CACNA1C: variants seen among roughly 807,000 people sequenced by gnomAD.
The protein encoded by CACNA1C is calcium voltage-gated channel subunit alpha1 C.
Under a neutral mutation model 229.0 loss-of-function variants are expected in CACNA1C, and 30 were observed. The ratio of observed to expected loss-of-function variants is 0.13; its 90% CI spans 0.10 to 0.18. The LOEUF (loss-of-function observed/expected upper bound fraction) is 0.18. CACNA1C is among the 10% of genes least tolerant of loss of function. The probability of loss-of-function intolerance (pLI) is 1.00; values close to 1 mark genes in which losing one functional copy is unlikely to be tolerated. For missense variants in CACNA1C, 1,658 were observed against 2,845.0 expected (o/e 0.58, Z 9.49); for synonymous variants, 1,114 against 1,132.5 (o/e 0.98, Z 0.33).
At chr12:2,383,723 A>C (rs1038966899) in intron 3 of CACNA1C, among the ~76,000 whole-genome samples, 1 of 152,182 alleles carries the variant, frequency 6.6e-6, no homozygotes, top group Non-Finnish European at 1.5e-5. Context: ...AAACCACGTC[A>C]AAATAGAAGG....
chr12:2,541,575 C>T (rs533638073), intron 9 of CACNA1C, among the ~76,000 whole-genome samples: 269 of 152,228 alleles, frequency 1.8e-3, no homozygotes, highest in African/African-American at 5.8e-3. Flanking sequence ...GCAGTGCTCC[C>T]GATACCCCCA....
At position 2,067,402 on chromosome 12, in the gene CACNA1C, T is replaced by C. The variant is rs928397274; in HGVS notation, c.49+13791T>C. On this transcript the variant is annotated intron_variant, in intron 1 of 46. Transcript: ENST00000399655. This position sits in a 1 kb window ranked among gnomAD's most constrained non-coding sequence, Gnocchi z 5.3. ...ATGACAAAAGCCTGGGTGGTGGAGA[T>C]GGTGGCAGTTTAAGGATGTGGGCTT... Among the ~76,000 whole-genome samples the C allele has an allele frequency of 6.6e-6, 1 of 150,606 alleles. No homozygotes were observed.
At chr12:2,156,161 A>G (rs1446013618) in intron 3 of CACNA1C, among the ~76,000 whole-genome samples, 3 of 152,242 alleles carry the variant, frequency 2.0e-5, no homozygotes, top group South Asian at 2.1e-4. Flanking sequence ...ATACGTGGCA[A>G]AAGCATAAAG....
At chr12:2,038,943 G>A (rs1207938516) in intron 1 of CACNA1C, among the ~76,000 whole-genome samples, 1 of 152,054 alleles carries the variant, frequency 6.6e-6, no homozygotes, top group Admixed American at 6.5e-5. Context: ...AAAGACAGAT[G>A]CTGGGAAGTG....
chr12:2,071,425 G>C (rs1447312393), intron 1 of CACNA1C, among the ~76,000 whole-genome samples: 1 of 151,694 alleles, frequency 6.6e-6, no homozygotes, highest in Non-Finnish European at 1.5e-5. Context: ...GTCTTGCTAT[G>C]TTGCCGAGGC....
intron 1 of CACNA1C, among the ~76,000 whole-genome samples, chr12:2,081,999 G>C (rs1054366811): frequency 6.6e-6 from 1 of 152,068 alleles, no homozygotes; most frequent in African/African-American, 2.4e-5. Context: ...GTATGAAAAA[G>C]GTAACGCTGC....
At chr12:2,014,395 C>T (rs1218195148) in intron 1 of CACNA1C, among the ~76,000 whole-genome samples, 1 of 151,948 alleles carries the variant, frequency 6.6e-6, no homozygotes, top group Non-Finnish European at 1.5e-5. Flanking sequence ...ATTGCTTATT[C>T]GCTTATGAGA....
At chr12:2,543,703 C>G (rs180833083) in intron 9 of CACNA1C, among the ~76,000 whole-genome samples, 1 of 152,264 alleles carries the variant, frequency 6.6e-6, no homozygotes, top group East Asian at 1.9e-4. Context: ...CTTATGTGAA[C>G]CATCCAGGGA....
At chr12:2,619,060 A>G (rs2082058194) in intron 29 of CACNA1C, among the ~76,000 whole-genome samples, 1 of 152,154 alleles carries the variant, frequency 6.6e-6, no homozygotes, top group African/African-American at 2.4e-5. Flanking sequence ...TCGCTTCATC[A>G]TCCACTGACC....
At chr12:2,675,594 T>C (rs372680105) in intron 39 of CACNA1C, among the ~76,000 whole-genome samples, 5 of 152,334 alleles carry the variant, frequency 3.3e-5, no homozygotes, top group African/African-American at 1.2e-4. Context: ...GAACCTCTCT[T>C]GGCCAAGTTT....
chr12:2,038,763 T>G (rs1366493216), intron 1 of CACNA1C, among the ~76,000 whole-genome samples: 7 of 152,226 alleles, frequency 4.6e-5, no homozygotes, highest in African/African-American at 7.2e-5. Flanking sequence ...TAAATCTGGC[T>G]TACATGGTAT....
intron 3 of CACNA1C, among the ~76,000 whole-genome samples, chr12:2,191,375 C>T (rs906560609): frequency 2.0e-5 from 3 of 152,150 alleles, no homozygotes; most frequent in African/African-American, 7.2e-5. Context: ...CCTTCTCCAG[C>T]GTACCGGCAT....
chr12:2,144,591 C>G (rs1392084417), intron 3 of CACNA1C, among the ~76,000 whole-genome samples: 1 of 151,186 alleles, frequency 6.6e-6, no homozygotes, highest in African/African-American at 2.4e-5. Flanking sequence ...TATAACTCAC[C>G]TCTAAAATGT....
At chr12:2,495,782 G>T (rs1323175539) in intron 7 of CACNA1C, among the ~76,000 whole-genome samples, 2 of 152,162 alleles carry the variant, frequency 1.3e-5, no homozygotes, top group African/African-American at 2.4e-5. Context: ...TGGCCATGTT[G>T]TGTGTGTGTG....
chr12:2,171,653 T>C (rs1190442180), intron 3 of CACNA1C, among the ~76,000 whole-genome samples: 1 of 152,170 alleles, frequency 6.6e-6, no homozygotes. Context: ...TTGTAAATGC[T>C]GGAAATGCAG....
chr12:2,004,546 G>T, intron 1 of CACNA1C: 1 of 1,444,974 alleles, frequency 6.9e-7, no homozygotes, highest in Non-Finnish European at 9.2e-7. Flanking sequence ...GGCCCGGGAG[G>T]CCTTCCGGCT....
At chr12:2,462,152 C>T (rs2099510233) in intron 5 of CACNA1C, among the ~76,000 whole-genome samples, 1 of 152,148 alleles carries the variant, frequency 6.6e-6, no homozygotes, top group Admixed American at 6.5e-5. Context: ...CCAAGCTCAC[C>T]CCACTGTGGG....
intron 3 of CACNA1C, among the ~76,000 whole-genome samples, chr12:2,235,793 C>T (rs951207077): frequency 6.6e-6 from 1 of 152,140 alleles, no homozygotes; most frequent in African/African-American, 2.4e-5. Context: ...TCCGGTGCAC[C>T]AGAGCTGTGG....
chr12:2,354,141 C>G lies in CACNA1C; in HGVS notation c.478-94835C>G, dbSNP rs1182486099. On this transcript the variant is annotated intron_variant, in intron 3 of 46. Transcript: ENST00000399655. This position sits in a 1 kb window ranked among gnomAD's most constrained non-coding sequence, Gnocchi z 4.6. ...ATGGAGTGGGGGCTGTCGGGAAGGA[C>G]TGGATGGAGTCTGTTTTTCCAGAAC... 6.6e-6 allele frequency among the ~76,000 whole-genome samples: 1 copy of G among 152,142 alleles called. No individual in the cohort carries two copies. Among genetic ancestry groups the G allele is most frequent in the African/African-American group, 2.4e-5 (1 of 41,440 alleles).
Sources: allele counts gnomAD v4.1 joint callset (sites outside exome capture counted in the v4.1 genomes callset), GRCh38; gene constraint gnomAD v4.1.1; non-coding constraint Gnocchi (gnomAD v3.1); transcripts MANE v1.5; gene names NCBI Gene and HGNC (gene_info 2026-07-23, HGNC 2026-07-21).